The following ZNF165 variants were observed in gnomAD, a reference collection of about 807,000 sequenced individuals.
ZNF165 encodes zinc finger protein 165.
In ZNF165, 14 loss-of-function variants were observed where a neutral mutation model predicts 19.6. That is an observed-to-expected ratio of 0.71 (90% CI 0.47 to 1.12). The LOEUF is 1.12. Among genes scored for constraint, ZNF165 ranks in the 50% most tolerant of loss-of-function variants. The pLI, the probability that ZNF165 is intolerant of heterozygous loss-of-function variation, is 0.00. For synonymous variants in ZNF165, 165 were observed against 195.0 expected (o/e 0.85, Z 1.28); for missense variants, 504 against 566.3 (o/e 0.89, Z 1.12).
intron 1 of ZNF165, among the ~76,000 whole-genome samples, chr6:28,084,025 T>A (rs9368550): frequency 0.23 from 35,666 of 152,184 alleles, 4,350 homozygotes; most frequent in African/African-American, 0.3. Context: ...CCCGCATCCT[T>A]GTCAAATCTT....
rs1225256106 is a variant in ZNF165, at chr6:28,088,750, ACT to A, written c.742_743del (p.Ser248ValfsTer5). ...WEKESGESQR[L>X]SSAQDEGFGK... The stretch of plus-strand genomic sequence containing the variant: ...AAAAAGAATCAGGGGAGTCTCAGAG[ACT>A]CTCGTCTGCCCAGGATGAAGGTTTT... On this transcript the variant is annotated frameshift_variant, in exon 4 of 4. Coordinates refer to ENST00000683778, the MANE Select transcript of ZNF165 (RefSeq NM_001376491.1). LOFTEE classifies it low-confidence loss of function (END_TRUNC). The A allele has an allele frequency of 2.5e-6, 4 of 1,614,032 alleles. No homozygotes were observed. The highest frequency in any genetic ancestry group is 1.6e-4 in the Middle Eastern group (1 of 6,062).
At chr6:28,087,900 A>G (rs560903500) in intron 3 of ZNF165, among the ~76,000 whole-genome samples, 6 of 152,196 alleles carry the variant, frequency 3.9e-5, no homozygotes, top group Admixed American at 3.9e-4. Context: ...GATCTTTAGG[A>G]TAACTAGGAA....
At chr6:28,085,965 G>C in intron 2 of ZNF165, 74 bp downstream of exon 2, 2 of 1,565,412 alleles carry the variant, frequency 1.3e-6, no homozygotes, top group Non-Finnish European at 1.7e-6. Flanking sequence ...GCCCGAGATT[G>C]CATATCTAGC....
At chr6:28,086,343 C>T (rs770479587) in intron 3 of ZNF165, 33 bp downstream of exon 3, 1 of 1,580,600 alleles carries the variant, frequency 6.3e-7, no homozygotes, top group South Asian at 1.2e-5. Flanking sequence ...GTGCACATCA[C>T]TAAAGAAACA....
intron 3 of ZNF165, among the ~76,000 whole-genome samples, chr6:28,087,414 T>G (rs1188225247): frequency 6.6e-6 from 1 of 152,060 alleles, no homozygotes; most frequent in Non-Finnish European, 1.5e-5. Flanking sequence ...CCCGGCTAAT[T>G]TTTGTATTTT....
chr6:28,088,686 A>T lies in ZNF165; in HGVS notation c.674A>T (p.Asp225Val). 6.2e-7 allele frequency: 1 copy of T among 1,614,198 alleles called. No individual in the cohort carries two copies. The highest frequency in any genetic ancestry group is 1.6e-4 in the Middle Eastern group (1 of 6,062). ...YISEASGESQ[D>V]ICKSAGRVKR... Reference sequence around the variant, plus strand: ...TCAGAAGCATCTGGTGAGTCTCAAGACATCTGTAAGTCTGCAGGCAGGGTA... The same window carrying T: ...TCAGAAGCATCTGGTGAGTCTCAAGTCATCTGTAAGTCTGCAGGCAGGGTA... Residue 225 changes from aspartate to valine, a missense_variant, in exon 4 of 4, where the codon GAC becomes GTC. Coordinates refer to ENST00000683778, the MANE Select transcript of ZNF165 (RefSeq NM_001376491.1).
In ZNF165 at chr6:28,086,173, T is replaced by G. The variant is rs1430607193; in HGVS notation, c.413T>G (p.Val138Gly). The G allele has an allele frequency of 6.2e-7, 1 of 1,613,228 alleles. No individual in the cohort carries two copies. Among genetic ancestry groups the G allele is most frequent in the South Asian group, 1.1e-5 (1 of 91,020 alleles). ...ERGTDEAVLQ[V>G]QAHEHGQEIF... ...CCAAATGTACTTTATTTTTCTCAGG[T>G]TCAAGCCCATGAACATGGACAAGAA... Residue 138 changes from valine to glycine, a missense_variant and splice_region_variant, in exon 3 of 4, where the codon GTT becomes GGT. Physicochemically the swap from Val to Gly is moderately radical, Grantham distance 109. Coordinates refer to ENST00000683778, the MANE Select transcript of ZNF165 (RefSeq NM_001376491.1).
At chr6:28,081,989 T>G (rs1329869070) in intron 1 of ZNF165, among the ~76,000 whole-genome samples, 1 of 152,216 alleles carries the variant, frequency 6.6e-6, no homozygotes, top group African/African-American at 2.4e-5. Flanking sequence ...ATGGGCCTAC[T>G]TTACACCCAT....
chr6:28,082,866 T>G (rs1030968453), intron 1 of ZNF165, among the ~76,000 whole-genome samples: 8 of 152,242 alleles, frequency 5.3e-5, no homozygotes, highest in Non-Finnish European at 1.2e-4. Context: ...TATTATCATC[T>G]TAAATACAGA....
At position 28,088,809 on chromosome 6, in the gene ZNF165, G is replaced by C. The variant is rs1479893002; in HGVS notation, c.797G>C (p.Arg266Thr). The change falls in exon 4 of 4, where the codon AGA becomes ACA. Residue 266 changes from arginine (R) to threonine (T), a missense_variant. Arg to Thr is a moderately conservative substitution (Grantham distance 71). Coordinates refer to ENST00000683778, the MANE Select transcript of ZNF165 (RefSeq NM_001376491.1). ...ATCCTCACCCACAAAAATACAGTCA[G>C]AGGTGAAATAATAAGCCACGATGGA... ...GKILTHKNTV[R>T]GEIISHDGCE... The C allele has an allele frequency of 6.2e-7, 1 of 1,614,178 alleles. No individual in the cohort carries two copies. Among genetic ancestry groups the C allele is most frequent in the Non-Finnish European group, 8.5e-7 (1 of 1,180,036 alleles).
Position 28,089,152 on chromosome 6 carries a change from C to T in ZNF165, c.1140C>T (p.Ser380=). The change falls in exon 4 of 4, where the codon AGC becomes AGT. Residue 380 remains serine, a synonymous_variant. Coordinates refer to ENST00000683778, the MANE Select transcript of ZNF165 (RefSeq NM_001376491.1). ...ATGAATGTAATGAATGTGGGAAAAGCTTTGCAGAGAGCTCAGATCTTACTA... is the reference window on the plus strand; with the variant it reads ...ATGAATGTAATGAATGTGGGAAAAGTTTTGCAGAGAGCTCAGATCTTACTA... ...RCYECNECGK[S]FAESSDLTRH... 1 of 1,614,160 alleles carries T rather than the reference C, an allele frequency of 6.2e-7. No individual in the cohort carries two copies.
rs1359556216 is a variant in ZNF165, at chr6:28,085,849, A to G, written c.369A>G (p.Ile123Met). ...AGAGTGGAGAGGAGGCAGTGACCAT[A>G]CTAGAAGATTTGGAGAGAGGCACTG... The part of the protein sequence containing the change: ...YPESGEEAVT[I>M]LEDLERGTDE... The change falls in exon 2 of 4, where the codon ATA becomes ATG. Residue 123 changes from isoleucine to methionine, a missense_variant. By Grantham distance (10) the Ile-to-Met change is conservative. Coordinates refer to ENST00000683778, the MANE Select transcript of ZNF165 (RefSeq NM_001376491.1). 6.2e-7 allele frequency: 1 copy of G among 1,613,222 alleles called. No homozygotes were observed. The highest frequency in any genetic ancestry group is 8.5e-7 in the Non-Finnish European group (1 of 1,180,008).
chr6:28,086,088 T>G (rs903048499), intron 2 of ZNF165, 84 bp from the exon 3 acceptor site: 5 of 1,545,916 alleles, frequency 3.2e-6, no homozygotes, highest in Non-Finnish European at 4.3e-6. Context: ...AGTTTTGCAT[T>G]TCTATGGGAG....
chr6:28,089,134 TAATG>T lies in ZNF165; in HGVS notation c.1127_1130del (p.Glu376ValfsTer35), dbSNP rs1157531942. 3 of 1,614,090 alleles carry T rather than the reference TAATG, an allele frequency of 1.9e-6. No individual in the cohort carries two copies. Among genetic ancestry groups the T allele is most frequent in the Non-Finnish European group, 2.5e-6 (3 of 1,180,038 alleles). ...ACACTGGAGAGAGATGCTATGAATG[TAATG>T]AATGTGGGAAAAGCTTTGCAGAGAG... On this transcript the variant is annotated frameshift_variant, in exon 4 of 4. Coordinates refer to ENST00000683778, the MANE Select transcript of ZNF165 (RefSeq NM_001376491.1). LOFTEE classifies it low-confidence loss of function (END_TRUNC).
At chr6:28,083,281 A>G (rs1359459732) in intron 1 of ZNF165, among the ~76,000 whole-genome samples, 1 of 152,224 alleles carries the variant, frequency 6.6e-6, no homozygotes, top group African/African-American at 2.4e-5. Context: ...TTCTCTTCAA[A>G]GAATCAGTAT....
chr6:28,086,027 T>C, intron 2 of ZNF165, 136 bp downstream of exon 2: 1 of 1,494,026 alleles, frequency 6.7e-7, no homozygotes, highest in Non-Finnish European at 9.0e-7. Context: ...CCTGTCTGTT[T>C]GATTCCACAC....
At chr6:28,082,753 C>T (rs941088939) in intron 1 of ZNF165, among the ~76,000 whole-genome samples, 1 of 152,174 alleles carries the variant, frequency 6.6e-6, no homozygotes, top group Non-Finnish European at 1.5e-5. Context: ...GATTTGGGGG[C>T]CTGTTCCCAA....
Position 28,089,000 on chromosome 6 carries a change from A to G in ZNF165, c.988A>G (p.Lys330Glu), listed in dbSNP as rs759756924. The G allele has an allele frequency of 2.5e-6, 4 of 1,614,092 alleles. No homozygotes were observed. In the African/African-American group the frequency reaches 5.3e-5, roughly 22 times the overall value. ...HQYGKSFKSPKLAKHAAVFSG... is the reference protein window; with the variant it reads ...HQYGKSFKSPELAKHAAVFSG... ...ATATGGAAAATCTTTCAAGAGCCCA[A>G]AACTTGCTAAACATGCAGCAGTTTT... is the stretch of plus-strand genomic sequence containing the variant. Residue 330 changes from lysine (K) to glutamate (E), a missense_variant, in exon 4 of 4, where the codon AAA becomes GAA. Lys to Glu is a moderately conservative substitution (Grantham distance 56). Transcript: ENST00000683778.
rs1341567867 is a variant in ZNF165, at chr6:28,085,480, G to T, written c.1-1G>T. On this transcript the variant is annotated splice_acceptor_variant, in intron 1 of 3. Coordinates refer to ENST00000683778, the MANE Select transcript of ZNF165 (RefSeq NM_001376491.1). LOFTEE classifies it low-confidence loss of function (5UTR_SPLICE). ...GTTCTGATAATATATTCTATCCACA[G>T]ATGGCTACAGAACCAAAGAAAGCTG... is the stretch of plus-strand genomic sequence containing the variant. 1 of 1,607,192 alleles carries T rather than the reference G, an allele frequency of 6.2e-7. No homozygotes were observed. Among genetic ancestry groups the T allele is most frequent in the South Asian group, 1.1e-5 (1 of 90,128 alleles).
Sources: allele counts gnomAD v4.1 joint callset (sites outside exome capture counted in the v4.1 genomes callset), GRCh38; gene constraint gnomAD v4.1.1; transcripts MANE v1.5; gene names NCBI Gene and HGNC (gene_info 2026-07-23, HGNC 2026-07-21).